Variants in KCNN2 observed in about 807,000 individuals in gnomAD.
KCNN2 encodes the protein small conductance calcium-activated potassium channel protein 2.
In KCNN2, 24 loss-of-function variants were observed where a neutral mutation model predicts 55.5. That is an observed-to-expected ratio of 0.43 (90% CI 0.31 to 0.61). The LOEUF (loss-of-function observed/expected upper bound fraction) is 0.61. Ranked by LOEUF, KCNN2 falls within the 20% of genes least tolerant of loss-of-function variation. KCNN2 has a pLI of 0.08. For synonymous variants in KCNN2, 431 were observed against 336.1 expected, an observed-to-expected ratio of 1.28 and a Z score of -3.09; for missense variants, 754 against 853.6, an observed-to-expected ratio of 0.88 and a Z score of 1.45.
Position 114,269,809 on chromosome 5 carries a change from A to G in KCNN2, c.-185+48244A>G, listed in dbSNP as rs371611814. Among the ~76,000 whole-genome samples, 9 of 152,320 alleles carry G rather than the reference A, an allele frequency of 5.9e-5. No individual in the cohort carries two copies. In the South Asian group the frequency reaches 1.9e-3, roughly 32 times the overall value. ...TTTCAGGTCTTATTTTAATACAGTG[A>G]AAATAGTAGTTCTAAATATTTGATC... On this transcript the variant is annotated intron_variant, in intron 2 of 10. Transcript: ENST00000512097.
chr5:114,253,777 A>G (rs1754927813), intron 2 of KCNN2: 1 of 152,126 alleles, frequency 6.6e-6, no homozygotes, highest in South Asian at 2.1e-4. Context: ...TATTTGTTCC[A>G]TTTCTACCTT....
chr5:114,071,303 TCA>T, intron 1 of KCNN2, among the ~76,000 whole-genome samples: 1 of 152,160 alleles, frequency 6.6e-6, no homozygotes, highest in Non-Finnish European at 1.5e-5. Context: ...GGTAGCCCCA[TCA>T]CAGCTGCCTC....
At chr5:114,363,742 G>C (rs947734801) in intron 1 of KCNN2, among the ~76,000 whole-genome samples, 164 bp from the exon 2 acceptor site, 1 of 152,104 alleles carries the variant, frequency 6.6e-6, no homozygotes, top group East Asian at 1.9e-4. Context: ...TTTTGAGGCC[G>C]AGTGATCTGA....
chr5:114,212,911 T>G (rs1753917797), intron 1 of KCNN2, among the ~76,000 whole-genome samples: 1 of 152,036 alleles, frequency 6.6e-6, no homozygotes, highest in Non-Finnish European at 1.5e-5. Context: ...TATAGTAGCA[T>G]GCGTAAAGCT....
chr5:114,479,693 G>A (rs1309515447), intron 5 of KCNN2, among the ~76,000 whole-genome samples: 2 of 152,140 alleles, frequency 1.3e-5, no homozygotes, highest in African/African-American at 4.8e-5. Flanking sequence ...AGACCACAGT[G>A]CAATCAAATT....
chr5:114,255,123 T>C (rs1754956352), intron 2 of KCNN2, among the ~76,000 whole-genome samples: 1 of 152,140 alleles, frequency 6.6e-6, no homozygotes, highest in South Asian at 2.1e-4. Context: ...ATTTTGATCA[T>C]TTAATATGTA....
chr5:114,074,293 C>T (rs1013707583), intron 1 of KCNN2, among the ~76,000 whole-genome samples: 2 of 144,506 alleles, frequency 1.4e-5, no homozygotes, highest in Non-Finnish European at 3.0e-5. Flanking sequence ...GCCATGTTTG[C>T]GTGTGTGTGT....
intron 1 of KCNN2, among the ~76,000 whole-genome samples, chr5:114,178,086 A>G (rs1054512264): frequency 1.3e-5 from 2 of 152,176 alleles, no homozygotes; most frequent in Non-Finnish European, 2.9e-5. Flanking sequence ...TTCACTGCCT[A>G]TTCCTTTCCA....
intron 3 of KCNN2, among the ~76,000 whole-genome samples, chr5:114,407,584 A>G (rs1758977562): frequency 6.6e-6 from 1 of 152,088 alleles, no homozygotes; most frequent in South Asian, 2.1e-4. Flanking sequence ...TACATACTTC[A>G]AATTTGTCAG....
chr5:114,221,097 C>T (rs1158871741), intron 1 of KCNN2, among the ~76,000 whole-genome samples: 1 of 152,168 alleles, frequency 6.6e-6, no homozygotes, highest in Non-Finnish European at 1.5e-5. Flanking sequence ...TTATGTGAGA[C>T]AGAAAACAGT....
At chr5:114,184,646 T>A (rs562330987) in intron 1 of KCNN2, among the ~76,000 whole-genome samples, 2 of 152,324 alleles carry the variant, frequency 1.3e-5, no homozygotes, top group Admixed American at 1.3e-4. Context: ...AAAGATTAAG[T>A]CAGAATAACA....
rs994045197 is a variant in KCNN2, at chr5:114,061,014, A to G, written c.-271+4514A>G. Among the ~76,000 whole-genome samples, 19 of 152,344 alleles carry G rather than the reference A, an allele frequency of 1.2e-4. No homozygotes were observed. In the South Asian group the frequency reaches 1.7e-3, roughly 13 times the overall value. ...GGGCATTTGCTGTTCCATTTCTCAC[A>G]TTATGCTACATAGTATTCCATTGCA... On this transcript the variant is annotated intron_variant, in intron 1 of 10. Coordinates refer to the KCNN2 transcript ENST00000512097.
At chr5:114,392,545 C>T (rs752334136) in intron 2 of KCNN2, among the ~76,000 whole-genome samples, 1 of 152,148 alleles carries the variant, frequency 6.6e-6, no homozygotes, top group African/African-American at 2.4e-5. Flanking sequence ...ATCAGCTTTG[C>T]TCGTTTCTTC....
Position 114,363,228 on chromosome 5 carries a change from C to G in KCNN2, c.1089C>G (p.Ile363Met). ...FGMFGIVVMV[I>M]ETELSWGAYD... ...TGTTCGGCATCGTGGTCATGGTCATCGAGACCGAGCTGTCGTGGGGCGCCT... is the reference window on the plus strand; with the variant it reads ...TGTTCGGCATCGTGGTCATGGTCATGGAGACCGAGCTGTCGTGGGGCGCCT... The change falls in exon 1 of 8, where the codon ATC becomes ATG. Residue 363 changes from isoleucine to methionine, a missense_variant. By Grantham distance (10) the Ile-to-Met change is conservative. Coordinates refer to ENST00000673685, the MANE Select transcript of KCNN2 (RefSeq NM_021614.4). The G allele has an allele frequency of 6.2e-7, 1 of 1,612,678 alleles. No homozygotes were observed. The highest frequency in any genetic ancestry group is 1.1e-5 in the South Asian group (1 of 91,022).
At chr5:114,160,755 G>A (rs1752756252) in intron 1 of KCNN2, among the ~76,000 whole-genome samples, 1 of 152,166 alleles carries the variant, frequency 6.6e-6, no homozygotes, top group East Asian at 1.9e-4. Context: ...TTACCATTAT[G>A]TAATGGCCTT....
At chr5:114,114,014 A>C (rs1751661340) in intron 1 of KCNN2, among the ~76,000 whole-genome samples, 1 of 152,114 alleles carries the variant, frequency 6.6e-6, no homozygotes, top group Admixed American at 6.6e-5. Context: ...ATAGTCTGTT[A>C]GTGATAACCC....
chr5:114,150,573 C>T (rs1056243940), intron 1 of KCNN2, among the ~76,000 whole-genome samples: 1 of 152,182 alleles, frequency 6.6e-6, no homozygotes, highest in African/African-American at 2.4e-5. Context: ...AGCCTTTGGT[C>T]CACTGGCCAG....
At chr5:114,099,727 G>T (rs552535497) in intron 1 of KCNN2, among the ~76,000 whole-genome samples, 1 of 151,988 alleles carries the variant, frequency 6.6e-6, no homozygotes, top group South Asian at 2.1e-4. Context: ...GGACCAGATT[G>T]CTTTTCTTCA....
intron 1 of KCNN2, among the ~76,000 whole-genome samples, chr5:114,145,073 A>G (rs1385721755): frequency 6.6e-6 from 1 of 152,196 alleles, no homozygotes; most frequent in African/African-American, 2.4e-5. Context: ...ATAATTCTGA[A>G]TGTTCAGGTC....
Sources: gnomAD v4.1 joint callset for allele counts (sites outside exome capture counted in the v4.1 genomes callset) on GRCh38, gnomAD v4.1.1 for gene constraint, MANE v1.5 for transcripts, NCBI Gene and HGNC (gene_info 2026-07-23, HGNC 2026-07-21) for gene names.